TMEM209: variants seen among roughly 807,000 people sequenced by gnomAD.
TMEM209 encodes the protein transmembrane protein 209.
A neutral mutation model predicts 76.2 loss-of-function variants in TMEM209; 65 were observed. The observed-to-expected ratio is 0.85, with a 90% confidence interval of 0.70 to 1.05. TMEM209 has a LOEUF of 1.05. TMEM209 is among the 50% of genes least tolerant of loss of function. The pLI is 0.00. For missense variants in TMEM209, 623 were observed against 685.5 expected (o/e 0.91, Z 1.02); for synonymous variants, 239 against 237.6 (o/e 1.01, Z -0.06).
chr7:130,188,595 CAAAAAAAAAAA>C (rs10649977), intron 6 of TMEM209, among the ~76,000 whole-genome samples: 1 of 72,704 alleles, frequency 1.4e-5, no homozygotes, highest in Non-Finnish European at 2.5e-5. Context: ...GACTCCGTAT[CAAAAAAAAAAA>C]AAAAAAAAAA....
chr7:130,185,163 A>G (rs1402036323), intron 7 of TMEM209, 29 bp downstream of exon 7: 1 of 1,589,824 alleles, frequency 6.3e-7, no homozygotes, highest in African/African-American at 1.4e-5. Context: ...TAAATCATAA[A>G]TATTAAGTCA....
At position 130,192,836 on chromosome 7, in the gene TMEM209, A is replaced by T. The variant is rs973261782; in HGVS notation, c.574-13T>A. 1.2e-6 allele frequency: 2 copies of T among 1,608,898 alleles called. No homozygotes were observed. The highest frequency in any genetic ancestry group is 1.7e-6 in the Non-Finnish European group (2 of 1,176,666). ...TAAAGCTCGCCAACTATACAAAATA[A>T]AAGATCTTTACTTTATTTTTCTTTA... is the stretch of plus-strand genomic sequence containing the variant. On this transcript the variant is annotated splice_polypyrimidine_tract_variant and intron_variant, in intron 5 of 14. Coordinates refer to ENST00000397622, the MANE Select transcript of TMEM209 (RefSeq NM_032842.4).
At chr7:130,179,492 T>C (rs1797342764) in intron 9 of TMEM209, among the ~76,000 whole-genome samples, 1 of 152,136 alleles carries the variant, frequency 6.6e-6, no homozygotes, top group African/African-American at 2.4e-5. Flanking sequence ...GCAGAAGCTT[T>C]TTATGGTAGT....
chr7:130,189,438 C>T (rs1797719397), intron 6 of TMEM209, among the ~76,000 whole-genome samples: 1 of 152,180 alleles, frequency 6.6e-6, no homozygotes, highest in Non-Finnish European at 1.5e-5. Context: ...ACCTCATGAT[C>T]CACCTGCCTC....
In TMEM209 at chr7:130,192,717, T is replaced by C. The variant is rs768190427; in HGVS notation, c.680A>G (p.Asn227Ser). The change falls in exon 6 of 15, where the codon AAC becomes AGC. Residue 227 changes from asparagine (N) to serine (S), a missense_variant. Physicochemically the swap from Asn to Ser is conservative, Grantham distance 46. Transcript: ENST00000397622. ...GTAGTCTTCTTTGTCAGTAGGTGAG[T>C]TGTAGACGGTAGGTGAAGAACGGTA... ...SRYRSSPTVY[N>S]SPTDKEDYMT... 1 of 1,613,792 alleles carries C rather than the reference T, an allele frequency of 6.2e-7. No homozygotes were observed. Among genetic ancestry groups the C allele is most frequent in the Non-Finnish European group, 8.5e-7 (1 of 1,179,764 alleles).
At chr7:130,184,285 T>C (rs1354927706) in intron 7 of TMEM209, 30 bp from the exon 8 acceptor site, 28 of 1,474,366 alleles carry the variant, frequency 1.9e-5, no homozygotes, top group Non-Finnish European at 2.6e-5. Flanking sequence ...AAATGAACAA[T>C]CAGTGAGGAA....
chr7:130,185,073 G>T, intron 7 of TMEM209, 119 bp downstream of exon 7: 2 of 1,220,006 alleles, frequency 1.6e-6, no homozygotes, highest in Non-Finnish European at 2.2e-6. Context: ...CCTAATGTGT[G>T]CCAGATTTAC....
chr7:130,168,733 G>A (rs961048682), intron 14 of TMEM209, among the ~76,000 whole-genome samples: 1 of 152,120 alleles, frequency 6.6e-6, no homozygotes, highest in Non-Finnish European at 1.5e-5. Context: ...AGAAGGCCAA[G>A]GCAGGTAGAT....
chr7:130,200,140 T>C (rs1798136083), intron 5 of TMEM209, among the ~76,000 whole-genome samples: 1 of 151,258 alleles, frequency 6.6e-6, no homozygotes, highest in African/African-American at 2.4e-5. Context: ...ACATTTAAAG[T>C]TTCTCTCTCT....
chr7:130,186,586 T>C (rs1451427402), intron 6 of TMEM209, among the ~76,000 whole-genome samples: 1 of 152,228 alleles, frequency 6.6e-6, no homozygotes, highest in Non-Finnish European at 1.5e-5. Flanking sequence ...TGATTAATCA[T>C]TGCGATTATT....
At chr7:130,204,132 A>T in intron 1 of TMEM209, 22 bp from the exon 2 acceptor site, 1 of 1,593,000 alleles carries the variant, frequency 6.3e-7, no homozygotes, top group Non-Finnish European at 8.5e-7. Flanking sequence ...CAAAAAGCAC[A>T]GGAATTAACC....
chr7:130,189,791 G>A (rs1797731116), intron 6 of TMEM209, among the ~76,000 whole-genome samples: 1 of 152,168 alleles, frequency 6.6e-6, no homozygotes, highest in Non-Finnish European at 1.5e-5. Flanking sequence ...ACATATATCT[G>A]TGTATATGTC....
Position 130,192,744 on chromosome 7 carries a change from C to A in TMEM209, c.653G>T (p.Arg218Leu), listed in dbSNP as rs746569941. 2.7e-5 allele frequency: 43 copies of A among 1,613,758 alleles called. No homozygotes were observed. The highest frequency in any genetic ancestry group is 3.4e-5 in the Non-Finnish European group (40 of 1,179,838). Residue 218 changes from arginine to leucine, a missense_variant, in exon 6 of 15, where the codon CGC (arginine) becomes CTC (leucine). Arg to Leu is a moderately radical substitution (Grantham distance 102). Transcript: ENST00000397622. Reference sequence around the variant, plus strand: ...GTAGACGGTAGGTGAAGAACGGTAGCGAGATCTCAATCCACTGCTCTCCAC... The same window carrying A: ...GTAGACGGTAGGTGAAGAACGGTAGAGAGATCTCAATCCACTGCTCTCCAC... ...GPVESSGLRSRYRSSPTVYNS... is the reference protein window; with the variant it reads ...GPVESSGLRSLYRSSPTVYNS...
At chr7:130,198,713 T>A (rs1480184628) in intron 5 of TMEM209, among the ~76,000 whole-genome samples, 4 of 152,228 alleles carry the variant, frequency 2.6e-5, no homozygotes, top group Admixed American at 2.6e-4. Flanking sequence ...ACTGAAGCAT[T>A]CTTGTTTTCC....
rs1798319219 is a variant in TMEM209 at position 130,203,959 on chromosome 7, G to A, written c.140+15C>T. On this transcript the variant is annotated intron_variant, in intron 2 of 14. Coordinates refer to ENST00000397622, the MANE Select transcript of TMEM209 (RefSeq NM_032842.4). ...GCTTCTTAAAGTTTCACTTTTTTTG[G>A]ACTGATTCACTTACATTTCAGTATA... 1.2e-6 allele frequency: 2 copies of A among 1,607,982 alleles called. No individual in the cohort carries two copies. The highest frequency in any genetic ancestry group is 1.3e-5 in the African/African-American group (1 of 74,522).
intron 3 of TMEM209, 61 bp downstream of exon 3, chr7:130,203,727 T>G (rs1278486517): frequency 7.1e-7 from 1 of 1,405,240 alleles, no homozygotes; most frequent in Non-Finnish European, 9.8e-7. Flanking sequence ...CTAAGCTGAA[T>G]TAAACCTGAA....
At chr7:130,172,279 T>A (rs1426305773) in intron 13 of TMEM209, among the ~76,000 whole-genome samples, 1 of 152,210 alleles carries the variant, frequency 6.6e-6, no homozygotes, top group Non-Finnish European at 1.5e-5. Flanking sequence ...TTTAGAACTC[T>A]GGACTAAAGA....
intron 9 of TMEM209, among the ~76,000 whole-genome samples, chr7:130,180,987 G>A (rs986591669): frequency 3.3e-5 from 5 of 152,078 alleles, no homozygotes; most frequent in African/African-American, 9.7e-5. Flanking sequence ...GAAAACATAG[G>A]TCCAATATAA....
intron 6 of TMEM209, among the ~76,000 whole-genome samples, chr7:130,190,640 A>AT (rs773920402): frequency 6.6e-6 from 1 of 152,170 alleles, no homozygotes; most frequent in Non-Finnish European, 1.5e-5. Context: ...GGAAAGCTCC[A>AT]TGACAACCAA....
Sources: gnomAD v4.1 joint callset for allele counts (sites outside exome capture counted in the v4.1 genomes callset) on GRCh38, gnomAD v4.1.1 for gene constraint, MANE v1.5 for transcripts, NCBI Gene and HGNC (gene_info 2026-07-23, HGNC 2026-07-21) for gene names.